SDK1: variants seen among roughly 807,000 people sequenced by gnomAD.
SDK1 encodes sidekick cell adhesion molecule 1.
A neutral mutation model predicts 245.5 loss-of-function variants in SDK1; 157 were observed. That is an observed-to-expected ratio of 0.64 (90% CI 0.56 to 0.73). SDK1 has a LOEUF of 0.73. Among genes scored for constraint, SDK1 ranks in the 30% least tolerant of loss-of-function variants. The probability of loss-of-function intolerance (pLI) is 0.00; values close to 1 mark genes in which losing one functional copy is unlikely to be tolerated. For synonymous variants in SDK1, 1,647 were observed against 1,278.5 expected, an observed-to-expected ratio of 1.29 and a Z score of -6.15; for missense variants, 3,583 against 3,002.3, an observed-to-expected ratio of 1.19 and a Z score of -4.52.
rs566286997 is a variant in SDK1 at position 3,585,809 on chromosome 7, CAT to C, written c.299-33270_299-33269del. Among the ~76,000 whole-genome samples the C allele has an allele frequency of 2.3e-3, 353 of 152,190 alleles. 1 individual carries two copies. Among genetic ancestry groups the C allele is most frequent in the African/African-American group, 7.3e-3 (301 of 41,514 alleles). ...CAGGTGTGCCACTTTTGCCTCTAAA[CAT>C]GTGGTATAATTTTTGTCAGCGAGGA... On this transcript the variant is annotated intron_variant, in intron 1 of 44. Coordinates refer to ENST00000404826, the MANE Select transcript of SDK1 (RefSeq NM_152744.4).
chr7:4,201,468 A>G (rs1261107728), intron 35 of SDK1, among the ~76,000 whole-genome samples: 1 of 152,278 alleles, frequency 6.6e-6, no homozygotes, highest in African/African-American at 2.4e-5. Context: ...TTAAAAAATC[A>G]TATAAAGAAA....
intron 1 of SDK1, among the ~76,000 whole-genome samples, chr7:3,576,290 C>T (rs1272104107): frequency 3.9e-5 from 6 of 152,254 alleles, no homozygotes; most frequent in Admixed American, 3.9e-4. Context: ...GGAGTGCTGA[C>T]AGTGGCCACA....
At chr7:3,578,764 C>G (rs1780388132) in intron 1 of SDK1, among the ~76,000 whole-genome samples, 1 of 151,898 alleles carries the variant, frequency 6.6e-6, no homozygotes, top group Non-Finnish European at 1.5e-5. Context: ...ACCCCACAGG[C>G]AGTCAGACCT....
At chr7:3,323,930 T>C (rs1404342255) in intron 1 of SDK1, among the ~76,000 whole-genome samples, 1 of 152,184 alleles carries the variant, frequency 6.6e-6, no homozygotes, top group African/African-American at 2.4e-5. Flanking sequence ...TCTCTGTCTT[T>C]TGATTGCAGG....
intron 1 of SDK1, among the ~76,000 whole-genome samples, chr7:3,477,173 G>C (rs1781369595): frequency 1.5e-5 from 2 of 129,666 alleles, no homozygotes. Flanking sequence ...CTTCATTTTT[G>C]CTTTATGGTT....
chr7:3,308,543 G>A (rs1779474719), intron 1 of SDK1, among the ~76,000 whole-genome samples: 1 of 144,748 alleles, frequency 6.9e-6, no homozygotes, highest in African/African-American at 2.6e-5. Flanking sequence ...CCAATTTCTT[G>A]AAAACAGATA....
chr7:3,572,069 C>T lies in SDK1; in HGVS notation c.299-47011C>T, dbSNP rs74522982. On this transcript the variant is annotated intron_variant, in intron 1 of 44. Transcript: ENST00000404826. ...TGCCAAACAGTCAGTGAAAGGACAC[C>T]CTTTAAAATAAGACTTTTACATCAG... 8.5e-3 allele frequency among the ~76,000 whole-genome samples: 1,287 copies of T among 151,992 alleles called. 23 individuals are homozygous for T. Among genetic ancestry groups the T allele is most frequent in the African/African-American group, 0.029 (1,212 of 41,500 alleles).
chr7:3,696,762 G>C (rs894608623), intron 4 of SDK1, among the ~76,000 whole-genome samples: 4 of 152,022 alleles, frequency 2.6e-5, no homozygotes, highest in African/African-American at 9.7e-5. Context: ...AGTTGTGTCA[G>C]TTCTTATATT....
In SDK1 at chr7:4,241,931, T is replaced by G. The variant is rs1332565843; in HGVS notation, c.6251+18T>G. 1 of 1,610,640 alleles carries G rather than the reference T, an allele frequency of 6.2e-7. No homozygotes were observed. The highest frequency in any genetic ancestry group is 8.5e-7 in the Non-Finnish European group (1 of 1,179,874). The stretch of plus-strand genomic sequence containing the variant: ...GGGACCAGGTAGGCAGGCAGTGCTG[T>G]GCTGCGCCCACCTGGGGATCTGAGC... On this transcript the variant is annotated intron_variant, in intron 43 of 44. Transcript: ENST00000404826.
chr7:3,747,801 T>G (rs558168412), intron 4 of SDK1, among the ~76,000 whole-genome samples: 1 of 150,888 alleles, frequency 6.6e-6, no homozygotes, highest in Non-Finnish European at 1.5e-5. Context: ...GAAGGGAGGA[T>G]TAAGGTGTGA....
intron 4 of SDK1, among the ~76,000 whole-genome samples, chr7:3,695,601 A>T (rs372032518): frequency 6.6e-6 from 1 of 152,228 alleles, no homozygotes; most frequent in African/African-American, 2.4e-5. Flanking sequence ...GAGGTACCAT[A>T]CTTTGATATG....
chr7:4,132,531 G>A, intron 28 of SDK1, 108 bp downstream of exon 28: 3 of 709,584 alleles, frequency 4.2e-6, no homozygotes, highest in Middle Eastern at 2.8e-4. Context: ...AGACCAGCCT[G>A]GGCAACATTG....
At chr7:3,939,311 G>C (rs1350316478) in intron 5 of SDK1, among the ~76,000 whole-genome samples, 1 of 152,220 alleles carries the variant, frequency 6.6e-6, no homozygotes, top group African/African-American at 2.4e-5. Flanking sequence ...AAAGGAGGCA[G>C]CTCTTAAAAG....
chr7:4,053,628 C>T (rs1420952838), intron 19 of SDK1, among the ~76,000 whole-genome samples: 2 of 152,046 alleles, frequency 1.3e-5, no homozygotes, highest in African/African-American at 4.8e-5. Flanking sequence ...CTTATGTTCT[C>T]CTTGACCCTT....
chr7:3,374,482 C>T (rs1414272550), intron 1 of SDK1, among the ~76,000 whole-genome samples: 1 of 152,170 alleles, frequency 6.6e-6, no homozygotes, highest in Non-Finnish European at 1.5e-5. Context: ...GGCAGCAGTG[C>T]ATTGTAACTC....
At chr7:3,972,980 T>C (rs1237870915) in intron 12 of SDK1, among the ~76,000 whole-genome samples, 1 of 152,080 alleles carries the variant, frequency 6.6e-6, no homozygotes, top group Non-Finnish European at 1.5e-5. Context: ...CCTAAATGAT[T>C]TGGAGTATGA....
intron 1 of SDK1, among the ~76,000 whole-genome samples, chr7:3,367,581 C>T (rs1349306013): frequency 6.6e-6 from 1 of 152,084 alleles, no homozygotes; most frequent in African/African-American, 2.4e-5. Flanking sequence ...TGCATTTATG[C>T]TCTTTTAATT....
chr7:3,992,707 A>G (rs1174762491), intron 14 of SDK1, among the ~76,000 whole-genome samples: 1 of 152,184 alleles, frequency 6.6e-6, no homozygotes, highest in Non-Finnish European at 1.5e-5. Flanking sequence ...AAGACTTTGC[A>G]GTGTGCCATA....
intron 1 of SDK1, among the ~76,000 whole-genome samples, chr7:3,491,365 A>G (rs993273640): frequency 6.6e-6 from 1 of 152,238 alleles, no homozygotes; most frequent in African/African-American, 2.4e-5. Flanking sequence ...CCCAGGCATC[A>G]GTATTTTGCA....
Sources: gnomAD v4.1 joint callset for allele counts (sites outside exome capture counted in the v4.1 genomes callset) on GRCh38, gnomAD v4.1.1 for gene constraint, MANE v1.5 for transcripts, NCBI Gene and HGNC (gene_info 2026-07-23, HGNC 2026-07-21) for gene names.